The following WDR33 variants were observed in gnomAD, a reference collection of about 807,000 sequenced individuals.
The protein encoded by WDR33 is pre-mRNA 3' end processing protein WDR33.
Under a neutral mutation model 164.9 loss-of-function variants are expected in WDR33, and 47 were observed. That is an observed-to-expected ratio of 0.29 (90% CI 0.23 to 0.36). WDR33 has a LOEUF of 0.36. Among genes scored for constraint, WDR33 ranks in the 10% least tolerant of loss-of-function variants. WDR33 has a pLI of 1.00. For missense variants in WDR33, 1,137 were observed against 1,754.1 expected (o/e 0.65, Z 6.28); for synonymous variants, 505 against 589.0 (o/e 0.86, Z 2.06).
chr2:127,703,483 CTAAG>C lies in WDR33; in HGVS notation c.*2836_*2839del, dbSNP rs1209328423. Reference sequence around the variant, plus strand: ...TCCTCCAACCCCAAAATTTATGTTCCTAAGTAAGTCAGGTCCCTAAGCCCCGTCC... The same window carrying C: ...TCCTCCAACCCCAAAATTTATGTTCCTAAGTCAGGTCCCTAAGCCCCGTCC... On this transcript the variant is annotated 3_prime_UTR_variant, in exon 22 of 22. Transcript: ENST00000322313. The C allele has an allele frequency of 1.8e-5, 3 of 167,216 alleles. No homozygotes were observed. Among genetic ancestry groups the C allele is most frequent in the African/African-American group, 4.8e-5 (2 of 41,564 alleles). The allele number at this position is 167,216 out of a possible 1,614,324, so 10.4% of individuals were successfully genotyped here.
At chr2:127,762,836 G>C in intron 7 of WDR33, 1 of 1,347,056 alleles carries the variant, frequency 7.4e-7, no homozygotes, top group Non-Finnish European at 9.6e-7. Flanking sequence ...AGGCACTCTT[G>C]TATTTAATTT....
rs1191875964 is a variant in WDR33 at position 127,719,484 on chromosome 2, T to C, written c.2541A>G (p.Gly847=). ...GAGGCCCTCGCAATTCCTGGGGAGGTCCCAGCATTGATCCTTGGGGTGGAG... is the reference window on the plus strand; with the variant it reads ...GAGGCCCTCGCAATTCCTGGGGAGGCCCCAGCATTGATCCTTGGGGTGGAG... ...QGPPPQGSML[G]PPQELRGPPG... is the part of the protein sequence containing the mutation. The change falls in exon 16 of 22, where the codon GGA becomes GGG. Residue 847 remains glycine (G), a synonymous_variant. Transcript: ENST00000322313. The surrounding 1 kb of genome is among the most constrained non-coding windows in gnomAD (Gnocchi z 6.5). 6.2e-7 allele frequency: 1 copy of C among 1,604,322 alleles called. No homozygotes were observed.
In WDR33 at chr2:127,717,540, T is replaced by C. The variant is rs541769721; in HGVS notation, c.2761-277A>G. ...AACATCAATGGAAAGTCAGAAATTCTAACACAGCAGCACTAAATTAAACCA... is the reference window on the plus strand; with the variant it reads ...AACATCAATGGAAAGTCAGAAATTCCAACACAGCAGCACTAAATTAAACCA... On this transcript the variant is annotated intron_variant, in intron 16 of 21. Coordinates refer to ENST00000322313, the MANE Select transcript of WDR33 (RefSeq NM_018383.5). This position sits in a 1 kb window ranked among gnomAD's most constrained non-coding sequence, Gnocchi z 5.6. 6.6e-6 allele frequency among the ~76,000 whole-genome samples: 1 copy of C among 152,350 alleles called. No individual in the cohort carries two copies. Among genetic ancestry groups the C allele is most frequent in the Admixed American group, 6.5e-5 (1 of 15,302 alleles).
At chr2:127,731,271 G>A (rs1427813833) in intron 7 of WDR33, among the ~76,000 whole-genome samples, 1 of 139,678 alleles carries the variant, frequency 7.2e-6, no homozygotes, top group Non-Finnish European at 1.5e-5. Flanking sequence ...CTCCAGCCTG[G>A]GCAACAGAGC....
chr2:127,763,353 G>C lies in WDR33; in HGVS notation c.627-194C>G. ...ATCAAAAGAAGACTTCAACAGAGCAGTTGTTTGAGTTTTCAATCATCAGTA... is the reference window on the plus strand; with the variant it reads ...ATCAAAAGAAGACTTCAACAGAGCACTTGTTTGAGTTTTCAATCATCAGTA... On this transcript the variant is annotated intron_variant, in intron 6 of 21. Transcript: ENST00000322313. This position sits in a 1 kb window ranked among gnomAD's most constrained non-coding sequence, Gnocchi z 4.5. 1 of 1,401,426 alleles carries C rather than the reference G, an allele frequency of 7.1e-7. No homozygotes were observed. The highest frequency in any genetic ancestry group is 9.3e-7 in the Non-Finnish European group (1 of 1,078,430). 86.8% of individuals were successfully genotyped at this position (1,401,426 alleles called of 1,614,324 possible).
rs150978288 is a variant in WDR33 at position 127,735,221 on chromosome 2, T to TAAA, written c.725-8447_725-8445dup. Among the ~76,000 whole-genome samples the TAAA allele has an allele frequency of 0.021, 3,235 of 152,222 alleles. 125 individuals carry two copies. The highest frequency in any genetic ancestry group is 0.075 in the African/African-American group (3,109 of 41,530). On this transcript the variant is annotated intron_variant, in intron 7 of 21. Transcript: ENST00000322313. This position sits in a 1 kb window ranked among gnomAD's most constrained non-coding sequence, Gnocchi z 4.3. ...TCCCTGGCTTCTGTGAAACTGGATG[T>TAAA]AAACTTTGTGCCCTGTGCATTTTTC...
In WDR33 at chr2:127,781,542, C is replaced by T. The variant is rs577465171; in HGVS notation, c.-23-10538G>A. ...CTTGTGACAATGTACTACAGTTTTA[C>T]AATTTGTTATCATTGGGAGAAACTG... is the stretch of plus-strand genomic sequence containing the variant. On this transcript the variant is annotated intron_variant, in intron 1 of 21. Transcript: ENST00000322313. Among the ~76,000 whole-genome samples the T allele has an allele frequency of 2.6e-5, 4 of 152,276 alleles. No homozygotes were observed. In the South Asian group the frequency reaches 8.3e-4, roughly 32 times the overall value.
intron 1 of WDR33, among the ~76,000 whole-genome samples, chr2:127,781,004 G>A (rs968778186): frequency 6.6e-6 from 1 of 152,042 alleles, no homozygotes; most frequent in African/African-American, 2.4e-5. Flanking sequence ...GGGACTACAA[G>A]CGTGCCCCAC....
At chr2:127,792,006 T>G (rs1332983895) in intron 1 of WDR33, among the ~76,000 whole-genome samples, 1 of 151,862 alleles carries the variant, frequency 6.6e-6, no homozygotes, top group Non-Finnish European at 1.5e-5. Context: ...TGGTGTGATC[T>G]CAGCTCACTG....
Position 127,738,442 on chromosome 2 carries a change from G to A in WDR33, c.725-11665C>T, listed in dbSNP as rs1320500571. On this transcript the variant is annotated intron_variant, in intron 7 of 21. Coordinates refer to ENST00000322313, the MANE Select transcript of WDR33 (RefSeq NM_018383.5). The surrounding 1 kb of genome is among the most constrained non-coding windows in gnomAD (Gnocchi z 4.4). ...TACTCCACCTGAAAAGAGGTGAGGTGTAATGCTCCACTCCTTAAGTGTGGG... is the reference window on the plus strand; with the variant it reads ...TACTCCACCTGAAAAGAGGTGAGGTATAATGCTCCACTCCTTAAGTGTGGG... Among the ~76,000 whole-genome samples the A allele has an allele frequency of 6.6e-6, 1 of 152,130 alleles. No individual in the cohort carries two copies. Among genetic ancestry groups the A allele is most frequent in the Non-Finnish European group, 1.5e-5 (1 of 68,034 alleles).
At chr2:127,760,375 T>C (rs1449638315) in intron 7 of WDR33, among the ~76,000 whole-genome samples, 3 of 152,230 alleles carry the variant, frequency 2.0e-5, no homozygotes, top group Non-Finnish European at 4.4e-5. Flanking sequence ...TACATGAACA[T>C]CATCCTTAAT....
rs1686575082 is a variant in WDR33 at position 127,726,445 on chromosome 2, A to C, written c.851+206T>G. The stretch of plus-strand genomic sequence containing the variant: ...TAACAACCAAATTAAACTTAGGTCT[A>C]TGTGGCAGGACAAAAACAAGCCTTA... On this transcript the variant is annotated intron_variant, in intron 8 of 21. Coordinates refer to ENST00000322313, the MANE Select transcript of WDR33 (RefSeq NM_018383.5). The surrounding 1 kb of genome is among the most constrained non-coding windows in gnomAD (Gnocchi z 4.8). Among the ~76,000 whole-genome samples, 1 of 152,232 alleles carries C rather than the reference A, an allele frequency of 6.6e-6. No homozygotes were observed. The highest frequency in any genetic ancestry group is 1.5e-5 in the Non-Finnish European group (1 of 68,042).
intron 1 of WDR33, among the ~76,000 whole-genome samples, chr2:127,772,127 C>G (rs740816): frequency 0.13 from 20,039 of 151,588 alleles, 1,438 homozygotes; most frequent in South Asian, 0.25. Flanking sequence ...CCAAGCCTGG[C>G]CTTACATTTT....
chr2:127,739,918 C>T (rs1686963244), intron 7 of WDR33, among the ~76,000 whole-genome samples: 1 of 152,194 alleles, frequency 6.6e-6, no homozygotes. Context: ...AAAAATAACA[C>T]TGAATTCTGA....
At chr2:127,746,851 T>C (rs879603005) in intron 7 of WDR33, among the ~76,000 whole-genome samples, 10 of 152,228 alleles carry the variant, frequency 6.6e-5, no homozygotes, top group Admixed American at 6.5e-4. Flanking sequence ...AAGTTAACAA[T>C]ACACAATAGT....
intron 1 of WDR33, among the ~76,000 whole-genome samples, chr2:127,778,988 G>A (rs756575153): frequency 6.6e-6 from 1 of 152,032 alleles, no homozygotes; most frequent in Non-Finnish European, 1.5e-5. Flanking sequence ...TCATACAAAT[G>A]AGTAAAAAGA....
At chr2:127,730,362 T>G (rs896230873) in intron 7 of WDR33, among the ~76,000 whole-genome samples, 3 of 151,960 alleles carry the variant, frequency 2.0e-5, no homozygotes, top group African/African-American at 7.2e-5. Flanking sequence ...GTGAAAAAAA[T>G]TTTTCAAATG....
chr2:127,753,950 G>A lies in WDR33; in HGVS notation c.724+9112C>T, dbSNP rs563919715. ...AAAAGCTAAGGTGGGAAAGGGGCAT[G>A]AAGAAATCTTTGACTCCTAAAATTA... On this transcript the variant is annotated intron_variant, in intron 7 of 21. Coordinates refer to ENST00000322313, the MANE Select transcript of WDR33 (RefSeq NM_018383.5). Among the ~76,000 whole-genome samples, 20 of 152,322 alleles carry A rather than the reference G, an allele frequency of 1.3e-4. No homozygotes were observed. The South Asian group carries it at 3.7e-3, about 28-fold the overall frequency.
At position 127,706,369 on chromosome 2, in the gene WDR33, C is replaced by T. The variant is rs1320153028; in HGVS notation, c.3965G>A (p.Gly1322Asp). The T allele has an allele frequency of 1.9e-6, 3 of 1,606,114 alleles. No individual in the cohort carries two copies. In the African/African-American group the frequency reaches 4.0e-5, roughly 22 times the overall value. The change falls in exon 22 of 22, where the codon GGC becomes GAC. Residue 1322 changes from glycine to aspartate, a missense_variant. By Grantham distance (94) the Gly-to-Asp change is moderately conservative. This residue lies in a region of WDR33 where 867 missense variants were observed against 1,073.0 expected (regional missense o/e 0.81). Transcript: ENST00000322313. This position sits in a 1 kb window ranked among gnomAD's most constrained non-coding sequence, Gnocchi z 5.1. ...CCGTGAAGCTCCTCGCCTCGGCGGG[C>T]CAGAGTTCATGTTACTCCCTCTACC... ...NWGRGSNMNS[G>D]PPRRGASRGG... is the part of the protein sequence containing the mutation.
Sources: gnomAD v4.1 joint callset for allele counts (sites outside exome capture counted in the v4.1 genomes callset) on GRCh38, gnomAD v4.1.1 for gene constraint, gnomAD v4.1.1 regional missense constraint, Gnocchi (gnomAD v3.1) non-coding constraint, MANE v1.5 for transcripts, NCBI Gene and HGNC (gene_info 2026-07-23, HGNC 2026-07-21) for gene names.